IL1RAPL2: variants seen among roughly 807,000 people sequenced by gnomAD.
IL1RAPL2 encodes interleukin 1 receptor accessory protein like 2.
In IL1RAPL2, 3 loss-of-function variants were observed where a neutral mutation model predicts 44.1. That is an observed-to-expected ratio of 0.07 (90% confidence interval 0.03 to 0.18). The LOEUF (loss-of-function observed/expected upper bound fraction) is 0.18, where lower values mean the gene tolerates loss of function less well. Among genes scored for constraint, IL1RAPL2 ranks in the 10% least tolerant of loss-of-function variants. The pLI, the probability that IL1RAPL2 is intolerant of heterozygous loss-of-function variation, is 1.00. For missense variants in IL1RAPL2, 391 were observed against 496.4 expected, an observed-to-expected ratio of 0.79 and a Z score of 2.02; for synonymous variants, 181 against 178.8, an observed-to-expected ratio of 1.01 and a Z score of -0.10.
intron 5 of IL1RAPL2, among the ~76,000 whole-genome samples, chrX:105,281,991 A>C (rs986845618): frequency 9.0e-6 from 1 of 111,579 alleles, no homozygotes; most frequent in Non-Finnish European, 1.9e-5. Flanking sequence ...GAATGGAAAA[A>C]AAATAGAAAG....
At chrX:104,959,502 G>T (rs1187983343) in intron 2 of IL1RAPL2, among the ~76,000 whole-genome samples, 1 of 111,958 alleles carries the variant, frequency 8.9e-6, no homozygotes, top group Non-Finnish European at 1.9e-5. Flanking sequence ...TGAAAGAAAT[G>T]AAAGTTGGAA....
intron 6 of IL1RAPL2, among the ~76,000 whole-genome samples, chrX:105,694,785 A>G (rs2038063500): frequency 8.9e-6 from 1 of 111,879 alleles, no homozygotes; most frequent in Admixed American, 9.5e-5. Flanking sequence ...TAGAAAAATC[A>G]AAGGAGAAAC....
At position 105,393,201 on chromosome X, in the gene IL1RAPL2, T is replaced by C. The variant is rs187559899; in HGVS notation, c.698-91112T>C. ...GAGCTAGGGAATGGGTGCTGCTGAT[T>C]GGTTGGGAATGCAATCATAGGAGTG... On this transcript the variant is annotated intron_variant, in intron 5 of 10. Transcript: ENST00000372582. Among the ~76,000 whole-genome samples the C allele has an allele frequency of 3.6e-5, 4 of 110,166 alleles. No individual in the cohort carries two copies. The Admixed American group carries it at 3.9e-4, about 11-fold the overall frequency.
At chrX:105,728,608 C>G (rs1305244074) in intron 7 of IL1RAPL2, among the ~76,000 whole-genome samples, 1 of 110,963 alleles carries the variant, frequency 9.0e-6, no homozygotes, top group Admixed American at 9.6e-5. Flanking sequence ...AAGAGTTGAG[C>G]AGAAAGTACA....
At chrX:104,753,800 G>A (rs1201951036) in intron 2 of IL1RAPL2, among the ~76,000 whole-genome samples, 1 of 111,346 alleles carries the variant, frequency 9.0e-6, no homozygotes, top group African/African-American at 3.3e-5. Context: ...TAAAACATAT[G>A]CAGCTGCAGG....
intron 2 of IL1RAPL2, among the ~76,000 whole-genome samples, chrX:104,858,725 C>CA (rs1922427527): frequency 9.0e-6 from 1 of 111,279 alleles, no homozygotes; most frequent in African/African-American, 3.3e-5. Context: ...GATTGCATTT[C>CA]AAAAAAGACC....
At chrX:104,970,792 A>C (rs2030217866) in intron 2 of IL1RAPL2, among the ~76,000 whole-genome samples, 1 of 111,921 alleles carries the variant, frequency 8.9e-6, no homozygotes, top group South Asian at 3.8e-4. Flanking sequence ...GCAAAAGTGC[A>C]GAGGTACATC....
intron 1 of IL1RAPL2, among the ~76,000 whole-genome samples, chrX:104,654,561 C>T (rs1320337780): frequency 9.0e-6 from 1 of 111,132 alleles, no homozygotes; most frequent in African/African-American, 3.3e-5. Flanking sequence ...CTGGGGGCTC[C>T]ACCTATAGGC....
intron 2 of IL1RAPL2, among the ~76,000 whole-genome samples, chrX:104,668,245 G>A (rs1333662313): frequency 4.5e-5 from 5 of 110,827 alleles, no homozygotes; most frequent in African/African-American, 1.6e-4. Flanking sequence ...TGGTTAAGGC[G>A]CTTTAGATTG....
At chrX:104,737,286 C>G (rs891337162) in intron 2 of IL1RAPL2, among the ~76,000 whole-genome samples, 1 of 112,394 alleles carries the variant, frequency 8.9e-6, no homozygotes, top group East Asian at 2.8e-4. Flanking sequence ...ACAGGATTTA[C>G]TTGAGGTGTG....
At chrX:105,483,373 C>A (rs947673199) in intron 5 of IL1RAPL2, among the ~76,000 whole-genome samples, 14 of 111,417 alleles carry the variant, frequency 1.3e-4, no homozygotes, top group African/African-American at 4.6e-4. Flanking sequence ...GGCTCATTTT[C>A]CTCAAAGCAT....
At chrX:104,625,866 A>G (rs1181273674) in intron 1 of IL1RAPL2, among the ~76,000 whole-genome samples, 4 of 111,357 alleles carry the variant, frequency 3.6e-5, no homozygotes, top group Admixed American at 9.6e-5. Context: ...ATGGCTTTTG[A>G]GTCCAAAAGA....
intron 2 of IL1RAPL2, among the ~76,000 whole-genome samples, chrX:104,971,540 C>G (rs1267074444): frequency 1.8e-5 from 2 of 110,569 alleles, no homozygotes; most frequent in Non-Finnish European, 3.8e-5. Context: ...ACATGAGCAG[C>G]AGGTTTTATT....
At chrX:104,819,793 TTGTG>T (rs1921248875) in intron 2 of IL1RAPL2, among the ~76,000 whole-genome samples, 1 of 112,029 alleles carries the variant, frequency 8.9e-6, no homozygotes, top group Non-Finnish European at 1.9e-5. Context: ...TTTACACTGT[TTGTG>T]TGATGTTATG....
intron 6 of IL1RAPL2, among the ~76,000 whole-genome samples, chrX:105,498,688 C>A (rs2036372201): frequency 9.0e-6 from 1 of 111,687 alleles, no homozygotes; most frequent in Non-Finnish European, 1.9e-5. Context: ...AGCATAAGGA[C>A]AGATATGTAG....
intron 2 of IL1RAPL2, among the ~76,000 whole-genome samples, chrX:104,853,851 C>T (rs1356921297): frequency 4.0e-5 from 4 of 101,007 alleles, no homozygotes; most frequent in East Asian, 3.1e-4. Flanking sequence ...TGCAGTGAGC[C>T]GAGATCGCGC....
chrX:104,686,465 A>G (rs1392231511), intron 2 of IL1RAPL2, among the ~76,000 whole-genome samples: 1 of 111,794 alleles, frequency 8.9e-6, no homozygotes, highest in East Asian at 2.8e-4. Flanking sequence ...AAAAAAATCT[A>G]TTGATCTAAG....
chrX:104,763,706 C>A (rs962177835), intron 2 of IL1RAPL2, among the ~76,000 whole-genome samples: 6 of 111,277 alleles, frequency 5.4e-5, no homozygotes, highest in Non-Finnish European at 1.1e-4. Flanking sequence ...GAGGGAAAAG[C>A]CACTTATAAA....
At chrX:104,782,030 C>T (rs1052877554) in intron 2 of IL1RAPL2, among the ~76,000 whole-genome samples, 4 of 111,539 alleles carry the variant, frequency 3.6e-5, no homozygotes, top group Non-Finnish European at 5.7e-5. Flanking sequence ...ATCTCTGAAG[C>T]GGAGAGCAAG....
Sources: gnomAD v4.1 joint callset for allele counts (sites outside exome capture counted in the v4.1 genomes callset) on GRCh38, gnomAD v4.1.1 for gene constraint, MANE v1.5 for transcripts, NCBI Gene and HGNC (gene_info 2026-07-23, HGNC 2026-07-21) for gene names.